Variants in TRAPPC3L observed in about 807,000 individuals in gnomAD.
TRAPPC3L encodes trafficking protein particle complex subunit 3-like protein.
TRAPPC3L carries 23 observed loss-of-function variants against 23.7 expected under a neutral mutation model. The ratio of observed to expected loss-of-function variants is 0.97; its 90% confidence interval spans 0.70 to 1.37. TRAPPC3L has a LOEUF of 1.37. Ranked by LOEUF, TRAPPC3L falls within the 40% of genes most tolerant of loss-of-function variation. TRAPPC3L has a pLI of 0.00. For missense variants in TRAPPC3L, 212 were observed against 216.8 expected (o/e 0.98, Z 0.14); for synonymous variants, 81 against 77.9 (o/e 1.04, Z -0.21).
chr6:116,510,429 A>G (rs1361982121), intron 3 of TRAPPC3L, among the ~76,000 whole-genome samples: 2 of 149,252 alleles, frequency 1.3e-5, no homozygotes, highest in East Asian at 4.0e-4. Context: ...CTACAGGTGC[A>G]TGCCACCGAG....
chr6:116,506,147 T>C (rs1043455852), intron 3 of TRAPPC3L, among the ~76,000 whole-genome samples: 3 of 152,166 alleles, frequency 2.0e-5, no homozygotes, highest in African/African-American at 7.2e-5. Context: ...ATCCAGAGTC[T>C]ACAAAGAACT....
rs1323892321 is a variant in TRAPPC3L at position 116,530,898 on chromosome 6, G to C, written c.240+9465C>G. ...AGCAGAAGGTTCATAGATAAAGTGA[G>C]ACTCATATATATATATATATATATA... On this transcript the variant is annotated intron_variant, in intron 3 of 4. Transcript: ENST00000368602. 6.3e-5 allele frequency among the ~76,000 whole-genome samples: 7 copies of C among 110,404 alleles called. No homozygotes were observed. The Admixed American group carries it at 7.4e-4, about 12-fold the overall frequency. The allele number at this position is 110,404 out of a possible 152,430, so 72.4% of individuals were successfully genotyped here.
intron 3 of TRAPPC3L, among the ~76,000 whole-genome samples, chr6:116,501,763 C>A (rs956784940): frequency 4.6e-5 from 7 of 152,318 alleles, no homozygotes; most frequent in Admixed American, 2.0e-4. Context: ...AAAACTCCAA[C>A]AGACCTGCAG....
chr6:116,518,086 C>T (rs1772262491), intron 3 of TRAPPC3L: 1 of 152,098 alleles, frequency 6.6e-6, no homozygotes, highest in African/African-American at 2.4e-5. Context: ...TAAATAAAGC[C>T]CTTTCCTGAG....
At chr6:116,543,060 T>A (rs1051925457) in intron 2 of TRAPPC3L, among the ~76,000 whole-genome samples, 4 of 152,172 alleles carry the variant, frequency 2.6e-5, no homozygotes, top group Non-Finnish European at 5.9e-5. Flanking sequence ...ACTTAAGAAA[T>A]GATTTCTAAC....
chr6:116,500,653 A>T lies in TRAPPC3L; in HGVS notation c.254T>A (p.Met85Lys), dbSNP rs1044304465. Residue 85 changes from methionine to lysine, a missense_variant, in exon 4 of 5, where the codon ATG (methionine) becomes AAG (lysine). Coordinates refer to ENST00000368602, the MANE Select transcript of TRAPPC3L (RefSeq NM_001139444.3). ...IDIIAQVAFKMYLGITPSVTC... is the reference protein window; with the variant it reads ...IDIIAQVAFKKYLGITPSVTC... ...CACACTTGGTGTAATTCCCAGGTACATCTTGAAAGCAACCTGATAAGAAAA... is the reference window on the plus strand; with the variant it reads ...CACACTTGGTGTAATTCCCAGGTACTTCTTGAAAGCAACCTGATAAGAAAA... The T allele has an allele frequency of 1.3e-6, 2 of 1,551,314 alleles. No individual in the cohort carries two copies. Among genetic ancestry groups the T allele is most frequent in the Admixed American group, 2.0e-5 (1 of 50,942 alleles).
chr6:116,505,105 A>T (rs1283230714), intron 3 of TRAPPC3L, among the ~76,000 whole-genome samples: 1 of 152,204 alleles, frequency 6.6e-6, no homozygotes, highest in African/African-American at 2.4e-5. Context: ...ACATGATTGT[A>T]TATTTAGAAA....
chr6:116,497,201 T>C lies in TRAPPC3L; in HGVS notation c.427-128A>G. 4.2e-6 allele frequency: 5 copies of C among 1,197,596 alleles called. No homozygotes were observed. The South Asian group carries it at 7.4e-5, about 18-fold the overall frequency. The allele number at this position is 1,197,596 out of a possible 1,614,324, so 74.2% of individuals were successfully genotyped here. A position where few individuals can be genotyped will look rare whatever the true frequency, so the allele number is the denominator to read the frequency against. ...ATTTTTAAAAAAGCTTGTTCGTGGA[T>C]AAAGGGCCCTTTACTGAGTGTCCTC... On this transcript the variant is annotated intron_variant, in intron 4 of 4. Coordinates refer to ENST00000368602, the MANE Select transcript of TRAPPC3L (RefSeq NM_001139444.3).
At chr6:116,515,512 T>C (rs1295915318) in intron 3 of TRAPPC3L, 3 of 1,344,010 alleles carry the variant, frequency 2.2e-6, no homozygotes, top group Non-Finnish European at 3.1e-6. Flanking sequence ...ACTGTGGTAA[T>C]AATTTAGCTA....
At chr6:116,499,282 C>T (rs1771877756) in intron 4 of TRAPPC3L, among the ~76,000 whole-genome samples, 1 of 152,212 alleles carries the variant, frequency 6.6e-6, no homozygotes, top group East Asian at 1.9e-4. Context: ...TCTTCCTCTC[C>T]CCATTCCTGC....
chr6:116,499,243 G>T (rs1771877233), intron 4 of TRAPPC3L, among the ~76,000 whole-genome samples: 1 of 152,084 alleles, frequency 6.6e-6, no homozygotes, highest in Admixed American at 6.6e-5. Context: ...TCCATAACCT[G>T]TTCCATCTTT....
At chr6:116,512,133 C>T in intron 3 of TRAPPC3L, 1 of 1,613,804 alleles carries the variant, frequency 6.2e-7, no homozygotes. Context: ...AAGGGTAAGC[C>T]CAAAGAGTGC....
intron 3 of TRAPPC3L, among the ~76,000 whole-genome samples, chr6:116,539,478 T>C (rs1344281055): frequency 6.6e-6 from 1 of 152,240 alleles, no homozygotes; most frequent in African/African-American, 2.4e-5. Context: ...TATTATTTAC[T>C]GTTCATCATA....
chr6:116,499,039 T>A (rs1287222913), intron 4 of TRAPPC3L, among the ~76,000 whole-genome samples: 1 of 152,212 alleles, frequency 6.6e-6, no homozygotes, highest in African/African-American at 2.4e-5. Context: ...CACTTGCATG[T>A]GTTAAACACC....
At chr6:116,539,170 A>G (rs997182259) in intron 3 of TRAPPC3L, among the ~76,000 whole-genome samples, 1 of 152,250 alleles carries the variant, frequency 6.6e-6, no homozygotes, top group Non-Finnish European at 1.5e-5. Flanking sequence ...CCATTAAAAC[A>G]GCTGGTATTC....
At chr6:116,530,216 AC>A (rs990967989) in intron 3 of TRAPPC3L, among the ~76,000 whole-genome samples, 2 of 151,352 alleles carry the variant, frequency 1.3e-5, no homozygotes, top group East Asian at 1.9e-4. Context: ...GGAACAAACC[AC>A]CCCCCCTCCT....
intron 3 of TRAPPC3L, among the ~76,000 whole-genome samples, chr6:116,507,227 G>C (rs895922335): frequency 5.3e-5 from 8 of 152,012 alleles, no homozygotes; most frequent in Non-Finnish European, 1.2e-4. Context: ...TACTAGCAAA[G>C]TATAAAACCC....
intron 3 of TRAPPC3L, among the ~76,000 whole-genome samples, chr6:116,534,139 C>T (rs1772927137): frequency 6.6e-6 from 1 of 152,114 alleles, no homozygotes; most frequent in African/African-American, 2.4e-5. Flanking sequence ...AGTAGCTAAT[C>T]CCCTATAAAT....
intron 3 of TRAPPC3L, among the ~76,000 whole-genome samples, chr6:116,506,976 C>T (rs1296883894): frequency 6.6e-6 from 1 of 151,822 alleles, no homozygotes; most frequent in African/African-American, 2.4e-5. Context: ...CAAACCTGCA[C>T]GTTGTGCACA....
Sources: gnomAD v4.1 joint callset for allele counts (sites outside exome capture counted in the v4.1 genomes callset) on GRCh38, gnomAD v4.1.1 for gene constraint, MANE v1.5 for transcripts, NCBI Gene and HGNC (gene_info 2026-07-23, HGNC 2026-07-21) for gene names.